Variants in ASCL3 observed in about 807,000 individuals in gnomAD.
ASCL3 encodes the protein achaete-scute family bHLH transcription factor 3.
A neutral mutation model predicts 2.3 loss-of-function variants in ASCL3; 1 was observed. The observed-to-expected ratio is 0.44, with a 90% confidence interval of 0.16 to 2.10. ASCL3 has a LOEUF of 2.10. Among genes scored for constraint, ASCL3 ranks in the 30% most tolerant of loss-of-function variants. ASCL3 has a pLI of 0.28. For missense variants in ASCL3, 243 were observed against 229.0 expected, an observed-to-expected ratio of 1.06 and a Z score of -0.40; for synonymous variants, 98 against 88.5, an observed-to-expected ratio of 1.11 and a Z score of -0.60.
At chr11:8,942,618 T>C (rs927073351) in intron 1 of ASCL3, among the ~76,000 whole-genome samples, 1 of 152,144 alleles carries the variant, frequency 6.6e-6, no homozygotes, top group Non-Finnish European at 1.5e-5. Flanking sequence ...ATAAAAGATA[T>C]GTAGCATGTA....
intron 1 of ASCL3, among the ~76,000 whole-genome samples, chr11:8,941,078 T>A (rs1438625705): frequency 6.6e-6 from 1 of 152,098 alleles, no homozygotes; most frequent in African/African-American, 2.4e-5. Flanking sequence ...TTATGTAGCG[T>A]TCCTTTCTAA....
At position 8,938,035 on chromosome 11, in the gene ASCL3, C is replaced by A. The variant is rs1461060356; in HGVS notation, c.127G>T (p.Ala43Ser). ...TCAGAGTAAGGGGATGACACCGGGG[C>A]CTCTGGGTGCACGTGGAAAGTGACC... ...PMVTFHVHPE[A>S]PVSSPYSEEL... Residue 43 changes from alanine (A) to serine (S), a missense_variant, in exon 2 of 2, where the codon GCC becomes TCC. Physicochemically the swap from Ala to Ser is moderately conservative, Grantham distance 99. Coordinates refer to ENST00000531618, the MANE Select transcript of ASCL3 (RefSeq NM_020646.3). 1 of 1,613,860 alleles carries A rather than the reference C, an allele frequency of 6.2e-7. No homozygotes were observed. Among genetic ancestry groups the A allele is most frequent in the Non-Finnish European group, 8.5e-7 (1 of 1,179,974 alleles).
Position 8,940,371 on chromosome 11 carries a change from G to A in ASCL3, c.-12-2198C>T, listed in dbSNP as rs538628867. Among the ~76,000 whole-genome samples, 26 of 152,212 alleles carry A rather than the reference G, an allele frequency of 1.7e-4. 2 individuals are homozygous for A. In the East Asian group the frequency reaches 5.0e-3, roughly 29 times the overall value. On this transcript the variant is annotated intron_variant, in intron 1 of 1. Transcript: ENST00000531618. ...CCAACGCATTTCTTCTTTGTGAATAGGTCTATATCCTTCTCCTGTTTTAAA... is the reference window on the plus strand; with the variant it reads ...CCAACGCATTTCTTCTTTGTGAATAAGTCTATATCCTTCTCCTGTTTTAAA...
chr11:8,939,899 C>T (rs2064697924), intron 1 of ASCL3, among the ~76,000 whole-genome samples: 3 of 152,106 alleles, frequency 2.0e-5, no homozygotes, highest in Admixed American at 2.0e-4. Context: ...AGTCAATATA[C>T]AAGTTTTTAC....
In ASCL3 at chr11:8,942,975, T is replaced by C. The variant is rs984910927; in HGVS notation, c.-13+11A>G. 3.3e-5 allele frequency among the ~76,000 whole-genome samples: 5 copies of C among 152,308 alleles called. No individual in the cohort carries two copies. The highest frequency in any genetic ancestry group is 7.3e-5 in the Non-Finnish European group (5 of 68,028). On this transcript the variant is annotated intron_variant, in intron 1 of 1. Transcript: ENST00000531618. ...CTTCCCCACGGGCCACTCTGGAGAA[T>C]AGTCTCTTACCTGAGTTTTGTCGTC...
chr11:8,941,639 C>T (rs1348622764), intron 1 of ASCL3, among the ~76,000 whole-genome samples: 3 of 151,952 alleles, frequency 2.0e-5, no homozygotes, highest in South Asian at 2.1e-4. Flanking sequence ...TTCTTAAAAG[C>T]GACGGGGTGG....
intron 1 of ASCL3, 91 bp from the exon 2 acceptor site, chr11:8,938,264 T>G (rs890062989): frequency 4.1e-6 from 5 of 1,220,328 alleles, no homozygotes; most frequent in East Asian, 2.4e-5. Flanking sequence ...TTATTTTATT[T>G]TTCGAGATGG....
Position 8,938,113 on chromosome 11 carries a change from A to G in ASCL3, c.49T>C (p.Phe17Leu). 6.2e-7 allele frequency: 1 copy of G among 1,612,292 alleles called. No individual in the cohort carries two copies. The highest frequency in any genetic ancestry group is 8.5e-7 in the Non-Finnish European group (1 of 1,178,838). ...NSSLPDKLPI[F>L]PDSARLPLTR... ...AGTGGCAAGCGGGCAGAATCAGGGA[A>G]GATAGGAAGTTTGTCAGGTAGACTA... The change falls in exon 2 of 2, where the codon TTC becomes CTC. Residue 17 changes from phenylalanine to leucine, a missense_variant. Physicochemically the swap from Phe to Leu is conservative, Grantham distance 22. Coordinates refer to ENST00000531618, the MANE Select transcript of ASCL3 (RefSeq NM_020646.3).
At position 8,937,849 on chromosome 11, in the gene ASCL3, G is replaced by A. The variant is rs560348439; in HGVS notation, c.313C>T (p.Arg105Trp). Residue 105 changes from arginine to tryptophan, a missense_variant, in exon 2 of 2, where the codon CGG becomes TGG. By Grantham distance (101) the Arg-to-Trp change is moderately radical. Coordinates refer to ENST00000531618, the MANE Select transcript of ASCL3 (RefSeq NM_020646.3). ...TRKRNERERQ[R>W]VKCVNEGYAQ... ...TAGCCTTCATTGACACATTTCACCCGCTGCCTTTCCCGCTCATTCCTTTTC... is the reference window on the plus strand; with the variant it reads ...TAGCCTTCATTGACACATTTCACCCACTGCCTTTCCCGCTCATTCCTTTTC... 84 of 1,613,960 alleles carry A rather than the reference G, an allele frequency of 5.2e-5. No individual in the cohort carries two copies. Among genetic ancestry groups the A allele is most frequent in the Middle Eastern group, 4.9e-4 (3 of 6,084 alleles).
intron 1 of ASCL3, among the ~76,000 whole-genome samples, chr11:8,940,566 T>A (rs1853677449): frequency 1.3e-5 from 2 of 152,118 alleles, no homozygotes; most frequent in African/African-American, 4.8e-5. Flanking sequence ...TATGTGTCCT[T>A]AGGCAAGTGT....
chr11:8,939,260 A>G, intron 1 of ASCL3, among the ~76,000 whole-genome samples: 1 of 151,724 alleles, frequency 6.6e-6, no homozygotes, highest in Non-Finnish European at 1.5e-5. Flanking sequence ...TTTTTTTGAG[A>G]CAGAGTCTCG....
rs549881828 is a variant in ASCL3 at position 8,940,344 on chromosome 11, C to T, written c.-12-2171G>A. Among the ~76,000 whole-genome samples, 5 of 152,272 alleles carry T rather than the reference C, an allele frequency of 3.3e-5. No homozygotes were observed. The East Asian group carries it at 7.7e-4, about 23-fold the overall frequency. Reference sequence around the variant, plus strand: ...AAGCAGTATAACCCAAGAGGTTCCACACCAACGCATTTCTTCTTTGTGAAT... The same window carrying T: ...AAGCAGTATAACCCAAGAGGTTCCATACCAACGCATTTCTTCTTTGTGAAT... On this transcript the variant is annotated intron_variant, in intron 1 of 1. Transcript: ENST00000531618.
chr11:8,941,273 T>C (rs1340498724), intron 1 of ASCL3, among the ~76,000 whole-genome samples: 1 of 151,972 alleles, frequency 6.6e-6, no homozygotes, highest in Non-Finnish European at 1.5e-5. Context: ...TCTCAGCAGG[T>C]TGATTTTTCA....
chr11:8,940,121 G>C (rs1413094910), intron 1 of ASCL3, among the ~76,000 whole-genome samples: 1 of 151,380 alleles, frequency 6.6e-6, no homozygotes, highest in Non-Finnish European at 1.5e-5. Flanking sequence ...AGGACTGCAG[G>C]TGTGCACTAC....
At position 8,939,962 on chromosome 11, in the gene ASCL3, A is replaced by T. The variant is rs574556313; in HGVS notation, c.-12-1789T>A. 3.3e-5 allele frequency among the ~76,000 whole-genome samples: 5 copies of T among 152,162 alleles called. No individual in the cohort carries two copies. In the South Asian group the frequency reaches 1.0e-3, roughly 32 times the overall value. On this transcript the variant is annotated intron_variant, in intron 1 of 1. Transcript: ENST00000531618. ...AAAGTGCAGCTATGTTTAGGTTTTT[A>T]AATTTTTTTATTTATTTTATATTTT...
chr11:8,939,245 T>G (rs2064694904), intron 1 of ASCL3, among the ~76,000 whole-genome samples: 1 of 152,072 alleles, frequency 6.6e-6, no homozygotes. Context: ...AAGTTCCTTT[T>G]TTTCTTTTTT....
At chr11:8,938,977 T>C (rs1398082070) in intron 1 of ASCL3, among the ~76,000 whole-genome samples, 2 of 151,424 alleles carry the variant, frequency 1.3e-5, no homozygotes, top group Non-Finnish European at 2.9e-5. Context: ...CTAAGTTTTG[T>C]ATGTTTTTGT....
At position 8,940,105 on chromosome 11, in the gene ASCL3, G is replaced by A. The variant is rs1378762747; in HGVS notation, c.-12-1932C>T. Among the ~76,000 whole-genome samples, 3 of 151,642 alleles carry A rather than the reference G, an allele frequency of 2.0e-5. No individual in the cohort carries two copies. The East Asian group carries it at 5.8e-4, about 29-fold the overall frequency. On this transcript the variant is annotated intron_variant, in intron 1 of 1. Coordinates refer to ENST00000531618, the MANE Select transcript of ASCL3 (RefSeq NM_020646.3). ...TGATCCTCCTACCTCAGCCTTCTGA[G>A]TAGCTAGGACTGCAGGTGTGCACTA...
intron 1 of ASCL3, among the ~76,000 whole-genome samples, chr11:8,941,542 G>A (rs994898769): frequency 2.6e-5 from 3 of 114,850 alleles, no homozygotes; most frequent in African/African-American, 3.0e-5. Flanking sequence ...GGGCAGGGGT[G>A]CCGGGAGGGA....
Sources: gnomAD v4.1 joint callset for allele counts (sites outside exome capture counted in the v4.1 genomes callset) on GRCh38, gnomAD v4.1.1 for gene constraint, MANE v1.5 for transcripts, NCBI Gene and HGNC (gene_info 2026-07-23, HGNC 2026-07-21) for gene names.